Variants in ROBO2 observed in about 807,000 individuals in gnomAD.
ROBO2 encodes the protein roundabout guidance receptor 2.
ROBO2 carries 53 observed loss-of-function variants against 160.8 expected under a neutral mutation model. The ratio of observed to expected loss-of-function variants is 0.33; its 90% confidence interval spans 0.26 to 0.41. ROBO2 has a LOEUF of 0.41. ROBO2 is among the 10% of genes least tolerant of loss of function. The pLI is 1.00. For synonymous variants in ROBO2, 664 were observed against 611.7 expected (o/e 1.09, Z -1.26); for missense variants, 1,577 against 1,722.4 (o/e 0.92, Z 1.49).
At chr3:77,397,399 A>G (rs1185680908) in intron 2 of ROBO2, among the ~76,000 whole-genome samples, 1 of 152,158 alleles carries the variant, frequency 6.6e-6, no homozygotes, top group Admixed American at 6.6e-5. Flanking sequence ...TCTATAGTGA[A>G]GTAGAAATGC....
chr3:76,270,752 A>G lies in ROBO2; in HGVS notation c.109+333150A>G, dbSNP rs552273797. 7.2e-5 allele frequency among the ~76,000 whole-genome samples: 11 copies of G among 152,234 alleles called. No homozygotes were observed. The East Asian group carries it at 1.9e-3, about 27-fold the overall frequency. The stretch of plus-strand genomic sequence containing the variant: ...GGAAGGGAGGGAGAACAATTGCATT[A>G]ATTTTATTACTTGTCTCTATAAGTA... On this transcript the variant is annotated intron_variant, in intron 2 of 26. Transcript: ENST00000487694.
intron 2 of ROBO2, among the ~76,000 whole-genome samples, chr3:77,346,153 C>G (rs185711822): frequency 6.6e-6 from 1 of 152,240 alleles, no homozygotes; most frequent in East Asian, 1.9e-4. Context: ...CATGACTAAA[C>G]AAGTAATGAT....
chr3:77,480,477 T>C (rs1248995686), intron 3 of ROBO2, among the ~76,000 whole-genome samples: 1 of 152,174 alleles, frequency 6.6e-6, no homozygotes, highest in Non-Finnish European at 1.5e-5. Context: ...ATGCTAATGG[T>C]TTATACTAAT....
At chr3:76,251,159 T>C (rs1705970098) in intron 2 of ROBO2, among the ~76,000 whole-genome samples, 1 of 152,030 alleles carries the variant, frequency 6.6e-6, no homozygotes, top group Non-Finnish European at 1.5e-5. Flanking sequence ...TCTATAATTG[T>C]ATTCTTGTAA....
intron 19 of ROBO2, among the ~76,000 whole-genome samples, chr3:77,600,289 C>A (rs1403060426): frequency 6.6e-6 from 1 of 152,094 alleles, no homozygotes; most frequent in Non-Finnish European, 1.5e-5. Context: ...TGCTAGAATA[C>A]AATTCAGTTT....
chr3:77,253,033 G>C (rs1418246726), intron 2 of ROBO2, among the ~76,000 whole-genome samples: 1 of 151,582 alleles, frequency 6.6e-6, no homozygotes, highest in African/African-American at 2.4e-5. Flanking sequence ...GGCATTTTAA[G>C]ATCTAAGTTA....
Position 76,982,495 on chromosome 3 carries a change from T to C in ROBO2, c.110-115519T>C, listed in dbSNP as rs187646078. Among the ~76,000 whole-genome samples, 214 of 152,326 alleles carry C rather than the reference T, an allele frequency of 1.4e-3. 1 individual carries two copies. The highest frequency in any genetic ancestry group is 4.9e-3 in the African/African-American group (202 of 41,570). ...CATACCTTTGTAGTAAATTTTGAAA[T>C]TGAGAAATGTGAGGTCTCCAGCTTT... On this transcript the variant is annotated intron_variant, in intron 2 of 26. Coordinates refer to the ROBO2 transcript ENST00000487694.
chr3:75,940,905 GT>G (rs1319398588), intron 2 of ROBO2, among the ~76,000 whole-genome samples: 6 of 152,020 alleles, frequency 3.9e-5, no homozygotes, highest in African/African-American at 1.4e-4. Flanking sequence ...ATTCTGGGGA[GT>G]GCCAGCAGCA....
At position 76,910,674 on chromosome 3, in the gene ROBO2, C is replaced by T. The variant is rs1338341088; in HGVS notation, c.110-187340C>T. On this transcript the variant is annotated intron_variant, in intron 2 of 26. Coordinates refer to the ROBO2 transcript ENST00000487694. ...CCAGCAGGCGGAGGTTGCAGTGAGC[C>T]GAGATCACACCACTGCACTCCAGCC... Among the ~76,000 whole-genome samples, 8 of 135,224 alleles carry T rather than the reference C, an allele frequency of 5.9e-5. No individual in the cohort carries two copies. In the East Asian group the frequency reaches 1.1e-3, roughly 19 times the overall value. The allele number at this position is 135,224 out of a possible 152,430, so 88.7% of individuals were successfully genotyped here.
chr3:75,973,385 A>T (rs1032822851), intron 2 of ROBO2, among the ~76,000 whole-genome samples: 4 of 151,674 alleles, frequency 2.6e-5, no homozygotes, highest in African/African-American at 9.7e-5. Context: ...TCAAGAATTT[A>T]AAAAATATGG....
intron 2 of ROBO2, among the ~76,000 whole-genome samples, chr3:77,220,476 TATTC>T (rs2085641608): frequency 6.6e-6 from 1 of 152,058 alleles, no homozygotes. Flanking sequence ...TATTAAAAAG[TATTC>T]ATTTATATAT....
At chr3:76,544,479 C>T (rs1008868580) in intron 2 of ROBO2, among the ~76,000 whole-genome samples, 2 of 151,880 alleles carry the variant, frequency 1.3e-5, no homozygotes, top group Non-Finnish European at 2.9e-5. Context: ...TAAAAATTTC[C>T]TCCAGCCATT....
chr3:76,873,017 T>A (rs956950293), intron 2 of ROBO2, among the ~76,000 whole-genome samples: 7 of 152,138 alleles, frequency 4.6e-5, no homozygotes, highest in Non-Finnish European at 8.8e-5. Context: ...ATTGGTATTT[T>A]AAATATATTT....
chr3:76,158,187 T>C lies in ROBO2; in HGVS notation c.109+220585T>C, dbSNP rs144272639. 1.1e-3 allele frequency among the ~76,000 whole-genome samples: 174 copies of C among 152,174 alleles called. 1 individual carries two copies. Among genetic ancestry groups the C allele is most frequent in the African/African-American group, 4.1e-3 (169 of 41,538 alleles). ...GTCACCTAAGCCAGAAAGCTGGAAG[T>C]CACCTAATCTACATCTCTGCTCTTA... On this transcript the variant is annotated intron_variant, in intron 2 of 26. Coordinates refer to the ROBO2 transcript ENST00000487694.
chr3:77,610,624 G>A (rs1212649637), intron 21 of ROBO2, among the ~76,000 whole-genome samples: 3 of 150,548 alleles, frequency 2.0e-5, no homozygotes, highest in Non-Finnish European at 2.9e-5. Context: ...GCAAGAAAAC[G>A]TCTCTGTCCA....
intron 2 of ROBO2, among the ~76,000 whole-genome samples, chr3:76,813,643 C>T (rs916399262): frequency 1.3e-5 from 2 of 152,104 alleles, no homozygotes; most frequent in Admixed American, 6.6e-5. Context: ...TGATTCCTTA[C>T]TCTATGTTAA....
intron 2 of ROBO2, among the ~76,000 whole-genome samples, chr3:76,896,942 T>C (rs1022531107): frequency 6.6e-6 from 1 of 152,164 alleles, no homozygotes; most frequent in Non-Finnish European, 1.5e-5. Flanking sequence ...ACTGGATCAT[T>C]GATGGGAGGC....
chr3:76,418,210 A>G (rs2075832677), intron 2 of ROBO2, among the ~76,000 whole-genome samples: 2 of 151,582 alleles, frequency 1.3e-5, no homozygotes, highest in Middle Eastern at 3.4e-3. Context: ...TAAGGTCACT[A>G]TATAACTGTC....
At chr3:77,182,741 A>G (rs78489522) in intron 2 of ROBO2, among the ~76,000 whole-genome samples, 13,375 of 152,060 alleles carry the variant, frequency 0.088, 730 homozygotes, top group African/African-American at 0.15. Context: ...CAATCTCTCC[A>G]TAGAGACTCT....
Sources: gnomAD v4.1 joint callset for allele counts (sites outside exome capture counted in the v4.1 genomes callset) on GRCh38, gnomAD v4.1.1 for gene constraint, MANE v1.5 for transcripts, NCBI Gene and HGNC (gene_info 2026-07-23, HGNC 2026-07-21) for gene names.